SETX: variants seen among roughly 807,000 people sequenced by gnomAD.
SETX encodes the protein senataxin.
SETX carries 90 observed loss-of-function variants against 227.2 expected under a neutral mutation model. The observed-to-expected ratio is 0.40, with a 90% CI of 0.33 to 0.47. The LOEUF (loss-of-function observed/expected upper bound fraction) is 0.47, where lower values mean the gene tolerates loss of function less well. Among genes scored for constraint, SETX ranks in the 20% least tolerant of loss-of-function variants. The pLI is 0.91. For missense variants in SETX, 3,052 were observed against 3,181.5 expected (o/e 0.96, Z 0.98); for synonymous variants, 1,210 against 1,113.2 (o/e 1.09, Z -1.73).
chr9:132,290,578 A>AG (rs1178778696), intron 15 of SETX, among the ~76,000 whole-genome samples: 1 of 142,974 alleles, frequency 7.0e-6, no homozygotes, highest in African/African-American at 2.9e-5. Flanking sequence ...CCGTCTCAAA[A>AG]AAAAAAAAAA....
Position 132,331,034 on chromosome 9 carries a change from T to C in SETX, c.1098+18A>G. ...AAAGGCAATAAAATAGCATCTGAAT[T>C]TTCAAAGTGTTTTATACCTTTTTGG... On this transcript the variant is annotated intron_variant, in intron 9 of 25. Transcript: ENST00000224140. 6.4e-7 allele frequency: 1 copy of C among 1,561,918 alleles called. No individual in the cohort carries two copies. Among genetic ancestry groups the C allele is most frequent in the Non-Finnish European group, 8.8e-7 (1 of 1,132,042 alleles).
chr9:132,332,105 C>G (rs1847273746), intron 7 of SETX, among the ~76,000 whole-genome samples: 1 of 152,178 alleles, frequency 6.6e-6, no homozygotes, highest in Non-Finnish European at 1.5e-5. Context: ...AGATACCGCC[C>G]TACTCAAAGA....
intron 5 of SETX, among the ~76,000 whole-genome samples, chr9:132,340,946 T>G (rs923812006): frequency 6.6e-6 from 1 of 152,174 alleles, no homozygotes; most frequent in South Asian, 2.1e-4. Flanking sequence ...GGTAATTCCA[T>G]AGTGCCTCCC....
intron 4 of SETX, among the ~76,000 whole-genome samples, chr9:132,344,065 GT>G (rs1321824587): frequency 1.9e-4 from 29 of 152,206 alleles, no homozygotes; most frequent in African/African-American, 6.5e-4. Flanking sequence ...GAGTCCTGCA[GT>G]TGGCCCTGAG....
At chr9:132,348,364 A>G (rs1350648439) in intron 3 of SETX, among the ~76,000 whole-genome samples, 17 of 32,782 alleles carry the variant, frequency 5.2e-4, no homozygotes, top group Non-Finnish European at 7.6e-4. Context: ...CTCTGTCTCA[A>G]AAAAAAAACA....
chr9:132,303,074 G>C (rs1845109185), intron 11 of SETX, among the ~76,000 whole-genome samples: 1 of 152,074 alleles, frequency 6.6e-6, no homozygotes, highest in South Asian at 2.1e-4. Flanking sequence ...CTGGAATGCA[G>C]TGGTATGATC....
At chr9:132,325,387 A>C (rs1225185903) in intron 10 of SETX, among the ~76,000 whole-genome samples, 1 of 152,048 alleles carries the variant, frequency 6.6e-6, no homozygotes, top group East Asian at 1.9e-4. Context: ...GAAAGAAAGA[A>C]ACTGGGAAGT....
chr9:132,285,262 A>G (rs1008814212), intron 18 of SETX, among the ~76,000 whole-genome samples: 1 of 152,214 alleles, frequency 6.6e-6, no homozygotes, highest in Non-Finnish European at 1.5e-5. Flanking sequence ...AGAGCACCTT[A>G]TAAGAAAGAA....
At chr9:132,276,248 G>A (rs566992345) in intron 22 of SETX, among the ~76,000 whole-genome samples, 2 of 152,208 alleles carry the variant, frequency 1.3e-5, no homozygotes, top group South Asian at 2.1e-4. Flanking sequence ...GATGCTCTGC[G>A]GCTTAACTCG....
At chr9:132,270,246 T>G (rs1406305384) in intron 24 of SETX, among the ~76,000 whole-genome samples, 1 of 149,350 alleles carries the variant, frequency 6.7e-6, no homozygotes, top group African/African-American at 2.5e-5. Flanking sequence ...TATGCCCATG[T>G]GAGACACAGG....
At chr9:132,305,179 C>A (rs1366501914) in intron 11 of SETX, among the ~76,000 whole-genome samples, 3 of 151,234 alleles carry the variant, frequency 2.0e-5, no homozygotes, top group Non-Finnish European at 4.4e-5. Flanking sequence ...ATGGTGAAAC[C>A]CCGCCATTAC....
At chr9:132,325,218 T>TGC (rs1846644967) in intron 10 of SETX, among the ~76,000 whole-genome samples, 1 of 151,956 alleles carries the variant, frequency 6.6e-6, no homozygotes, top group African/African-American at 2.4e-5. Flanking sequence ...TAGCCGGCCG[T>TGC]GGTGGCGAGA....
At chr9:132,302,445 A>C (rs1008897874) in intron 11 of SETX, among the ~76,000 whole-genome samples, 1 of 151,038 alleles carries the variant, frequency 6.6e-6, no homozygotes. Flanking sequence ...GGATCACCTG[A>C]GGTCAGGCGT....
chr9:132,356,359 G>A (rs1023846149), upstream of SETX, among the ~76,000 whole-genome samples: 1 of 151,874 alleles, frequency 6.6e-6, no homozygotes, highest in Admixed American at 6.6e-5. Flanking sequence ...TGTGCCACAC[G>A]CCCGGCTAAT....
intron 11 of SETX, among the ~76,000 whole-genome samples, chr9:132,305,880 T>C (rs1845306456): frequency 1.3e-5 from 2 of 152,078 alleles, no homozygotes; most frequent in African/African-American, 4.8e-5. Flanking sequence ...TCTAATTAGC[T>C]CTTAGTCTAC....
At chr9:132,307,711 C>T (rs1053079925) in intron 11 of SETX, among the ~76,000 whole-genome samples, 1 of 144,464 alleles carries the variant, frequency 6.9e-6, no homozygotes, top group Admixed American at 6.9e-5. Flanking sequence ...TGGAGTCTTG[C>T]TCTGTCTCCC....
chr9:132,274,379 G>C (rs1843049275), intron 23 of SETX, among the ~76,000 whole-genome samples: 1 of 151,366 alleles, frequency 6.6e-6, no homozygotes, highest in South Asian at 2.1e-4. Flanking sequence ...AGCTTAGCTT[G>C]GTTCTGGGCT....
intron 10 of SETX, among the ~76,000 whole-genome samples, chr9:132,322,916 C>CA (rs1314107951): frequency 6.6e-6 from 1 of 151,804 alleles, no homozygotes; most frequent in Non-Finnish European, 1.5e-5. Flanking sequence ...ACAAGAGTTC[C>CA]AGGAAACTAA....
chr9:132,349,243 A>G lies in SETX; in HGVS notation c.177+9T>C. On this transcript the variant is annotated intron_variant, in intron 3 of 25. Transcript: ENST00000224140. ...CTCTGAAAAATATTGCCCATCTAAT[A>G]TATTTTACCTCATGCAAGAATGGCA... 1 of 1,613,584 alleles carries G rather than the reference A, an allele frequency of 6.2e-7. No individual in the cohort carries two copies. The highest frequency in any genetic ancestry group is 8.5e-7 in the Non-Finnish European group (1 of 1,179,830).
Sources: allele counts gnomAD v4.1 joint callset (sites outside exome capture counted in the v4.1 genomes callset), GRCh38; gene constraint gnomAD v4.1.1; transcripts MANE v1.5; gene names NCBI Gene and HGNC (gene_info 2026-07-23, HGNC 2026-07-21).